Variants in CDK19 observed in about 807,000 individuals in gnomAD.
CDK19 encodes cyclin dependent kinase 19, also known as cyclin-dependent kinase 19.
In CDK19, 20 loss-of-function variants were observed where a neutral mutation model predicts 68.3. That is an observed-to-expected ratio of 0.29 (90% CI 0.21 to 0.43). The LOEUF (loss-of-function observed/expected upper bound fraction) is 0.43. Ranked by LOEUF, CDK19 falls within the 20% of genes least tolerant of loss-of-function variation. The probability of loss-of-function intolerance (pLI) is 1.00; values close to 1 mark genes in which losing one functional copy is unlikely to be tolerated. For missense variants in CDK19, 339 were observed against 623.5 expected (o/e 0.54, Z 4.86); for synonymous variants, 221 against 222.8 (o/e 0.99, Z 0.07).
intron 1 of CDK19, among the ~76,000 whole-genome samples, chr6:110,804,964 A>G (rs1782581555): frequency 6.6e-6 from 1 of 151,958 alleles, no homozygotes; most frequent in African/African-American, 2.4e-5. Context: ...TCAAAACAAA[A>G]AAAAAAAGAC....
At chr6:110,777,781 G>C (rs1583077472) in intron 1 of CDK19, among the ~76,000 whole-genome samples, 1 of 152,208 alleles carries the variant, frequency 6.6e-6, no homozygotes, top group African/African-American at 2.4e-5. Context: ...ACAATTGGTA[G>C]CATATACATG....
At chr6:110,619,731 A>T (rs1413780290) in intron 12 of CDK19, among the ~76,000 whole-genome samples, 1 of 151,660 alleles carries the variant, frequency 6.6e-6, no homozygotes, top group Non-Finnish European at 1.5e-5. Flanking sequence ...CCATCCACTG[A>T]TCCCCACCCT....
At chr6:110,699,427 A>T (rs1773803802) in intron 2 of CDK19, among the ~76,000 whole-genome samples, 1 of 151,024 alleles carries the variant, frequency 6.6e-6, no homozygotes, top group Non-Finnish European at 1.5e-5. Context: ...TTCGTCTCAA[A>T]AAAAAAAAAA....
chr6:110,813,401 A>C (rs1285613941), intron 1 of CDK19: 2 of 152,226 alleles, frequency 1.3e-5, no homozygotes, highest in African/African-American at 4.8e-5. Flanking sequence ...AACCCACCTC[A>C]GATTTATTAA....
chr6:110,743,657 A>G (rs1213004024), intron 2 of CDK19, among the ~76,000 whole-genome samples: 4 of 152,144 alleles, frequency 2.6e-5, no homozygotes, highest in African/African-American at 9.7e-5. Flanking sequence ...AAAAAAAAAG[A>G]ATGAAGGCTG....
chr6:110,789,063 T>C (rs557964398), intron 1 of CDK19, among the ~76,000 whole-genome samples: 66 of 152,276 alleles, frequency 4.3e-4, no homozygotes, highest in Non-Finnish European at 7.6e-4. Flanking sequence ...TAGCATCACA[T>C]AGCATTTTAA....
intron 1 of CDK19, among the ~76,000 whole-genome samples, chr6:110,770,533 G>C (rs1232781071): frequency 6.6e-6 from 1 of 152,172 alleles, no homozygotes. Context: ...CACAACATGT[G>C]GGAATTATGG....
intron 4 of CDK19, 75 bp downstream of exon 4, chr6:110,667,359 G>T: frequency 3.1e-6 from 3 of 955,204 alleles, no homozygotes; most frequent in Non-Finnish European, 1.5e-6. Context: ...TTATTATAAT[G>T]GTACCAAGAA....
chr6:110,780,871 T>C (rs1378662798), intron 1 of CDK19, among the ~76,000 whole-genome samples: 1 of 152,126 alleles, frequency 6.6e-6, no homozygotes, highest in African/African-American at 2.4e-5. Context: ...AGATATACTT[T>C]TAAAATTTTT....
chr6:110,724,577 C>T (rs1776186844), intron 2 of CDK19, among the ~76,000 whole-genome samples: 2 of 152,104 alleles, frequency 1.3e-5, no homozygotes, highest in African/African-American at 4.8e-5. Flanking sequence ...TTAGGATAGG[C>T]TGGCAGAGAG....
At chr6:110,633,255 AAAACAAAC>A (rs370958856) in intron 5 of CDK19, among the ~76,000 whole-genome samples, 1 of 152,064 alleles carries the variant, frequency 6.6e-6, no homozygotes, top group South Asian at 2.1e-4. Flanking sequence ...AGACTGTCTC[AAAACAAAC>A]AAACAAACAA....
At chr6:110,787,483 G>T (rs1372077722) in intron 1 of CDK19, among the ~76,000 whole-genome samples, 1 of 152,260 alleles carries the variant, frequency 6.6e-6, no homozygotes, top group East Asian at 1.9e-4. Context: ...GTCTCACTCT[G>T]TCACCCAGGC....
chr6:110,672,278 T>C (rs1771081060), intron 2 of CDK19, among the ~76,000 whole-genome samples: 1 of 152,148 alleles, frequency 6.6e-6, no homozygotes, highest in South Asian at 2.1e-4. Context: ...GATGGGAAAG[T>C]AGAACTCCAC....
At chr6:110,675,709 C>A (rs1360234293) in intron 2 of CDK19, among the ~76,000 whole-genome samples, 1 of 150,806 alleles carries the variant, frequency 6.6e-6, no homozygotes, top group East Asian at 2.0e-4. Context: ...GCCTAGATGA[C>A]AGTGCATCTG....
At chr6:110,744,721 G>C (rs1019505704) in intron 2 of CDK19, among the ~76,000 whole-genome samples, 2 of 152,170 alleles carry the variant, frequency 1.3e-5, no homozygotes, top group Non-Finnish European at 2.9e-5. Flanking sequence ...AGTCCAGGGA[G>C]AGGCTCCCAT....
chr6:110,649,284 T>C (rs1457495036), intron 4 of CDK19, among the ~76,000 whole-genome samples: 2 of 152,124 alleles, frequency 1.3e-5, no homozygotes, highest in South Asian at 2.1e-4. Flanking sequence ...GTTCAATAAA[T>C]GGTGTTGGTA....
At chr6:110,678,357 T>C (rs1771705690) in intron 2 of CDK19, among the ~76,000 whole-genome samples, 1 of 152,050 alleles carries the variant, frequency 6.6e-6, no homozygotes, top group Non-Finnish European at 1.5e-5. Context: ...CATTTGAATG[T>C]CTAAAAGCCA....
At chr6:110,634,067 A>G (rs558081247) in intron 5 of CDK19, among the ~76,000 whole-genome samples, 1 of 152,346 alleles carries the variant, frequency 6.6e-6, no homozygotes, top group Non-Finnish European at 1.5e-5. Flanking sequence ...GTACTATAAA[A>G]TGCATAAATG....
At chr6:110,769,595 TAA>T (rs1779864533) in intron 1 of CDK19, among the ~76,000 whole-genome samples, 6 of 150,210 alleles carry the variant, frequency 4.0e-5, no homozygotes, top group Admixed American at 6.6e-5. Context: ...ATAATAATAA[TAA>T]TAGGGAAAAC....
Sources: allele counts gnomAD v4.1 joint callset (sites outside exome capture counted in the v4.1 genomes callset), GRCh38; gene constraint gnomAD v4.1.1; transcripts MANE v1.5; gene names NCBI Gene and HGNC (gene_info 2026-07-23, HGNC 2026-07-21).